The following KPNA2 variants were observed in gnomAD, a reference collection of about 807,000 sequenced individuals.
KPNA2 encodes karyopherin subunit alpha 2, also known as importin subunit alpha-1.
A neutral mutation model predicts 53.7 loss-of-function variants in KPNA2; 20 were observed. The ratio of observed to expected loss-of-function variants is 0.37; its 90% confidence interval spans 0.26 to 0.54. The LOEUF is 0.54. KPNA2 is among the 20% of genes least tolerant of loss of function. The pLI is 0.83. For synonymous variants in KPNA2, 238 were observed against 227.5 expected, an observed-to-expected ratio of 1.05 and a Z score of -0.42; for missense variants, 515 against 640.3, an observed-to-expected ratio of 0.80 and a Z score of 2.11.
Position 68,044,234 on chromosome 17 carries a change from T to C in KPNA2, c.1165-87T>C, listed in dbSNP as rs1230742972. 5 of 1,395,308 alleles carry C rather than the reference T, an allele frequency of 3.6e-6. No individual in the cohort carries two copies. In the African/African-American group the frequency reaches 7.2e-5, roughly 20 times the overall value. 86.4% of individuals were successfully genotyped at this position (1,395,308 alleles called of 1,614,324 possible). ...TAAGGTTGGATAGAACCTTGGTACTTTCAGTCATTGTTTTTGTGAAAAAGT... is the reference window on the plus strand; with the variant it reads ...TAAGGTTGGATAGAACCTTGGTACTCTCAGTCATTGTTTTTGTGAAAAAGT... On this transcript the variant is annotated intron_variant, in intron 8 of 10. Transcript: ENST00000330459.
intron 3 of KPNA2, among the ~76,000 whole-genome samples, chr17:68,037,714 A>G (rs1303762954): frequency 6.6e-6 from 1 of 151,942 alleles, no homozygotes; most frequent in Non-Finnish European, 1.5e-5. Flanking sequence ...ACCTTCCTTC[A>G]GACTTCCCTG....
At chr17:68,040,595 C>A in intron 3 of KPNA2, 83 bp from the exon 4 acceptor site, 1 of 891,216 alleles carries the variant, frequency 1.1e-6, no homozygotes, top group Non-Finnish European at 1.9e-6. Flanking sequence ...ACGATGTTTA[C>A]ACTTGCCTTC....
At chr17:68,040,202 T>C (rs1259740553) in intron 3 of KPNA2, among the ~76,000 whole-genome samples, 1 of 152,106 alleles carries the variant, frequency 6.6e-6, no homozygotes, top group African/African-American at 2.4e-5. Flanking sequence ...CTGCTCTGAT[T>C]CTTGATTTTT....
At chr17:68,039,295 A>G (rs62084690) in intron 3 of KPNA2, among the ~76,000 whole-genome samples, 76,185 of 151,078 alleles carry the variant, frequency 0.5, 23,973 homozygotes, top group Non-Finnish European at 0.69. Context: ...TAATTTTTGC[A>G]TTTTTAGTAG....
chr17:68,045,259 CT>C (rs1306785208), intron 9 of KPNA2, among the ~76,000 whole-genome samples: 2 of 152,034 alleles, frequency 1.3e-5, no homozygotes, highest in Non-Finnish European at 2.9e-5. Flanking sequence ...ATTTATGTAT[CT>C]CTTTAAGGTT....
chr17:68,043,015 G>A lies in KPNA2; in HGVS notation c.666+16G>A. On this transcript the variant is annotated intron_variant, in intron 6 of 10. Transcript: ENST00000330459. ...ATCTTTAGCAGTAAGTTACTAACAT[G>A]AGTAAAGTTACTCACTTCTTCATTC... 1.2e-6 allele frequency: 2 copies of A among 1,610,030 alleles called. No individual in the cohort carries two copies. The highest frequency in any genetic ancestry group is 1.7e-6 in the Non-Finnish European group (2 of 1,176,446).
rs1265949097 is a variant in KPNA2, at chr17:68,046,556, T to C, written c.1550T>C (p.Phe517Ser). The C allele has an allele frequency of 6.2e-6, 10 of 1,612,320 alleles. No homozygotes were observed. The highest frequency in any genetic ancestry group is 8.5e-6 in the Non-Finnish European group (10 of 1,178,796). Reference protein sequence around the residue: ...VPETTSEGYTFQVQDGAPGTF... With the variant: ...VPETTSEGYTSQVQDGAPGTF... ...GAAACTACCTCTGAAGGCTACACTT[T>C]CCAAGTTCAGGATGGGGCTCCTGGG... Residue 517 changes from phenylalanine (F) to serine (S), a missense_variant, in exon 11 of 11, where the codon TTC becomes TCC. Coordinates refer to ENST00000330459, the MANE Select transcript of KPNA2 (RefSeq NM_002266.4).
At chr17:68,037,621 TTC>T (rs2071205716) in intron 3 of KPNA2, 126 bp downstream of exon 3, 3 of 924,208 alleles carry the variant, frequency 3.2e-6, no homozygotes, top group Admixed American at 2.5e-5. Context: ...GAACATCTTT[TTC>T]TCTGTTTGCA....
At chr17:68,045,431 T>C (rs7220121) in intron 9 of KPNA2, 177,140 of 178,308 alleles carry the variant, frequency 0.99, 88,001 homozygotes, top group East Asian at 1. Context: ...GGATGCTTTA[T>C]GAAACAATAC....
chr17:68,042,381 G>C, intron 5 of KPNA2, 28 bp downstream of exon 5: 1 of 1,606,794 alleles, frequency 6.2e-7, no homozygotes. Context: ...TCTTTTGACT[G>C]AATGTATCTA....
intron 5 of KPNA2, 92 bp from the exon 6 acceptor site, chr17:68,042,813 G>C: frequency 1.0e-6 from 1 of 955,122 alleles, no homozygotes; most frequent in Non-Finnish European, 1.6e-6. Context: ...GCAGTGAGCC[G>C]AGATCGCGCC....
At chr17:68,040,806 T>G in intron 4 of KPNA2, 40 bp downstream of exon 4, 5 of 1,424,238 alleles carry the variant, frequency 3.5e-6, no homozygotes, top group Non-Finnish European at 4.8e-6. Flanking sequence ...CCTAAGAAAT[T>G]TGTGTTTTTA....
Position 68,037,186 on chromosome 17 carries a change from G to A in KPNA2, c.54G>A (p.Lys18=). Residue 18 remains lysine (K), a synonymous_variant, in exon 2 of 11, where the codon AAG becomes AAA. Coordinates refer to ENST00000330459, the MANE Select transcript of KPNA2 (RefSeq NM_002266.4). The stretch of plus-strand genomic sequence containing the variant: ...CAGCTGCCCGTCTTCACAGATTCAA[G>A]AACAAGGGAAAAGACAGTACAGTGA... ...NTPAARLHRF[K]NKGKDSTEMR... 6.2e-7 allele frequency: 1 copy of A among 1,613,152 alleles called. No individual in the cohort carries two copies. Among genetic ancestry groups the A allele is most frequent in the Non-Finnish European group, 8.5e-7 (1 of 1,179,568 alleles).
chr17:68,038,267 C>T (rs1452043226), intron 3 of KPNA2, among the ~76,000 whole-genome samples: 2 of 152,100 alleles, frequency 1.3e-5, no homozygotes, highest in Admixed American at 6.6e-5. Context: ...GAGCCACTGC[C>T]CGGCCTGTTT....
chr17:68,042,007 G>A (rs563505621), intron 4 of KPNA2, 78 bp from the exon 5 acceptor site: 9 of 1,263,990 alleles, frequency 7.1e-6, no homozygotes, highest in Non-Finnish European at 9.9e-6. Flanking sequence ...CTCTTGAATT[G>A]CATTTTATAT....
At chr17:68,036,463 C>T (rs977059016) in intron 1 of KPNA2, 4 of 152,276 alleles carry the variant, frequency 2.6e-5, no homozygotes, top group South Asian at 2.1e-4. Flanking sequence ...ATTTAATTTT[C>T]GAGTCTGCAC....
chr17:68,041,084 G>T (rs956906965), intron 4 of KPNA2, among the ~76,000 whole-genome samples: 10 of 152,184 alleles, frequency 6.6e-5, no homozygotes, highest in Non-Finnish European at 1.3e-4. Flanking sequence ...ACTGGCAGGG[G>T]AAGGAAGAAA....
intron 3 of KPNA2, among the ~76,000 whole-genome samples, chr17:68,038,255 G>T (rs1248921331): frequency 6.6e-6 from 1 of 152,176 alleles, no homozygotes; most frequent in Non-Finnish European, 1.5e-5. Flanking sequence ...GATTACAGGC[G>T]TGAGCCACTG....
Position 68,040,773 on chromosome 17 carries a change from C to A in KPNA2, c.302+7C>A. 1 of 1,571,470 alleles carries A rather than the reference C, an allele frequency of 6.4e-7. No homozygotes were observed. The highest frequency in any genetic ancestry group is 1.1e-5 in the South Asian group (1 of 90,310). ...AAGCTACTCAAGCTGCCAGGTAAGT[C>A]TTGTCTGCGATAGCATGGGTAGCCT... On this transcript the variant is annotated splice_region_variant and intron_variant, in intron 4 of 10. Coordinates refer to ENST00000330459, the MANE Select transcript of KPNA2 (RefSeq NM_002266.4).
Sources: allele counts gnomAD v4.1 joint callset (sites outside exome capture counted in the v4.1 genomes callset), GRCh38; gene constraint gnomAD v4.1.1; transcripts MANE v1.5; gene names NCBI Gene and HGNC (gene_info 2026-07-23, HGNC 2026-07-21).